SULF1: variants seen among roughly 807,000 people sequenced by gnomAD.
The protein encoded by SULF1 is sulfatase 1.
SULF1 carries 46 observed loss-of-function variants against 110.5 expected under a neutral mutation model. The observed-to-expected ratio is 0.42, with a 90% CI of 0.33 to 0.53. SULF1 has a LOEUF of 0.53. SULF1 is among the 20% of genes least tolerant of loss of function. The probability of loss-of-function intolerance (pLI) is 0.12; values close to 1 mark genes in which losing one functional copy is unlikely to be tolerated. For synonymous variants in SULF1, 371 were observed against 387.1 expected, an observed-to-expected ratio of 0.96 and a Z score of 0.49; for missense variants, 941 against 1,094.2, an observed-to-expected ratio of 0.86 and a Z score of 1.98.
At chr8:69,472,323 T>A (rs572216797) in intron 1 of SULF1, among the ~76,000 whole-genome samples, 1 of 152,144 alleles carries the variant, frequency 6.6e-6, no homozygotes, top group East Asian at 1.9e-4. Context: ...TTGTAGAGAG[T>A]CAGATCGAGC....
At chr8:69,577,081 G>A (rs972065614) in intron 6 of SULF1, among the ~76,000 whole-genome samples, 4 of 152,192 alleles carry the variant, frequency 2.6e-5, no homozygotes, top group Admixed American at 1.3e-4. Flanking sequence ...TGTTATTTAT[G>A]GATGAAAATA....
intron 14 of SULF1, among the ~76,000 whole-genome samples, chr8:69,622,248 C>G (rs546478541): frequency 2.6e-5 from 4 of 152,058 alleles, no homozygotes; most frequent in Admixed American, 6.6e-5. Flanking sequence ...CAGAAAAATT[C>G]CAGGTCTAAT....
intron 3 of SULF1, among the ~76,000 whole-genome samples, chr8:69,506,473 G>C (rs1811205576): frequency 6.6e-6 from 1 of 152,142 alleles, no homozygotes; most frequent in South Asian, 2.1e-4. Flanking sequence ...GATCTGCTTA[G>C]ACCACAGTCC....
chr8:69,489,557 TTTTC>T (rs1176179460), upstream of SULF1, among the ~76,000 whole-genome samples: 1 of 151,004 alleles, frequency 6.6e-6, no homozygotes, highest in African/African-American at 2.4e-5. Context: ...TGCCCTCCAT[TTTTC>T]TTTCTTTCTC....
chr8:69,657,490 C>A (rs1217817457), intron 22 of SULF1, among the ~76,000 whole-genome samples: 2 of 152,218 alleles, frequency 1.3e-5, no homozygotes, highest in African/African-American at 2.4e-5. Context: ...GACGTTCTTT[C>A]CACCAACAGC....
At chr8:69,604,723 A>G (rs1586528756) in intron 12 of SULF1, 80 bp from the exon 13 acceptor site, 3 of 865,760 alleles carry the variant, frequency 3.5e-6, no homozygotes, top group Non-Finnish European at 3.2e-6. Flanking sequence ...GTGACAGGGT[A>G]AAAAAAAAAA....
intron 3 of SULF1, among the ~76,000 whole-genome samples, chr8:69,553,076 G>A (rs553707053): frequency 2.6e-5 from 4 of 152,250 alleles, no homozygotes; most frequent in Admixed American, 2.6e-4. Flanking sequence ...GATTCCACAA[G>A]GTGTTTTCCA....
rs949679320 is a variant in SULF1 at position 69,592,860 on chromosome 8, C to T, written c.734+3719C>T. ...TGCTTGTCCATTGTGACATGACAGACCTCTTGACAAGCTAAGACTCCCATT... is the reference window on the plus strand; with the variant it reads ...TGCTTGTCCATTGTGACATGACAGATCTCTTGACAAGCTAAGACTCCCATT... On this transcript the variant is annotated intron_variant, in intron 8 of 22. Coordinates refer to ENST00000402687, the MANE Select transcript of SULF1 (RefSeq NM_001128205.2). 3.3e-6 allele frequency: 3 copies of T among 921,664 alleles called. 1 individual carries two copies. In the South Asian group the frequency reaches 1.5e-4, roughly 46 times the overall value. The allele number at this position is 921,664 out of a possible 1,614,324, so 57.1% of individuals were successfully genotyped here.
At position 69,555,455 on chromosome 8, in the gene SULF1, C is replaced by T. The variant is rs1022518463; in HGVS notation, c.-133-8084C>T. Among the ~76,000 whole-genome samples the T allele has an allele frequency of 1.2e-4, 18 of 152,238 alleles. No homozygotes were observed. In the East Asian group the frequency reaches 3.3e-3, roughly 28 times the overall value. On this transcript the variant is annotated intron_variant, in intron 3 of 22. Coordinates refer to ENST00000402687, the MANE Select transcript of SULF1 (RefSeq NM_001128205.2). ...GGCAGATCACTTGAGGTCAGGAGTT[C>T]GAGACCAGCCTGCCAATATGGTGAA...
Position 69,586,467 on chromosome 8 carries a change from C to T in SULF1, c.523C>T (p.Arg175Cys), listed in dbSNP as rs200127043. The T allele has an allele frequency of 2.2e-4, 351 of 1,611,446 alleles. 1 individual carries two copies. The highest frequency in any genetic ancestry group is 3.3e-4 in the Middle Eastern group (2 of 6,080). Reference sequence around the variant, plus strand: ...TCGCTTCTATAATTACACTGTTTGTCGCAATGGCATCAAAGAAAAGCATGG... The same window carrying T: ...TCGCTTCTATAATTACACTGTTTGTTGCAATGGCATCAAAGAAAAGCATGG... ...NSRFYNYTVC[R>C]NGIKEKHGFD... Residue 175 changes from arginine to cysteine, a missense_variant, in exon 7 of 23, where the codon CGC becomes TGC. By Grantham distance (180) the Arg-to-Cys change is radical. Transcript: ENST00000402687.
chr8:69,579,160 CAAA>C (rs1179542392), intron 6 of SULF1, among the ~76,000 whole-genome samples: 2 of 52,746 alleles, frequency 3.8e-5, no homozygotes, highest in Admixed American at 2.0e-4. Context: ...GACTCTGTCT[CAAA>C]AAAAAAAAAA....
chr8:69,472,409 C>A (rs902182337), intron 1 of SULF1, among the ~76,000 whole-genome samples: 2 of 152,216 alleles, frequency 1.3e-5, no homozygotes, highest in Admixed American at 1.3e-4. Flanking sequence ...AAGCTGAAAG[C>A]AATCAGCTTG....
At chr8:69,510,618 TTG>T (rs1474587464) in intron 3 of SULF1, among the ~76,000 whole-genome samples, 15 of 85,710 alleles carry the variant, frequency 1.8e-4, no homozygotes, top group African/African-American at 6.0e-4. Context: ...GGGTTTTTTT[TTG>T]TTTTTTTTTT....
At chr8:69,514,536 C>A (rs906753916) in intron 3 of SULF1, among the ~76,000 whole-genome samples, 1 of 152,168 alleles carries the variant, frequency 6.6e-6, no homozygotes, top group South Asian at 2.1e-4. Flanking sequence ...TTCCTCTGGC[C>A]ACTCTCAAAT....
At chr8:69,542,980 A>AC (rs1813963687) in intron 3 of SULF1, among the ~76,000 whole-genome samples, 1 of 152,194 alleles carries the variant, frequency 6.6e-6, no homozygotes, top group African/African-American at 2.4e-5. Context: ...ACCAGAGGAC[A>AC]CCCCAACTAG....
Position 69,638,827 on chromosome 8 carries a change from G to T in SULF1, c.2520G>T (p.Gln840His). The T allele has an allele frequency of 6.2e-7, 1 of 1,613,610 alleles. No homozygotes were observed. Among genetic ancestry groups the T allele is most frequent in the Non-Finnish European group, 8.5e-7 (1 of 1,179,896 alleles). Residue 840 changes from glutamine to histidine, a missense_variant, in exon 21 of 23, where the codon CAG becomes CAT. By Grantham distance (24) the Gln-to-His change is conservative. Coordinates refer to ENST00000402687, the MANE Select transcript of SULF1 (RefSeq NM_001128205.2). ...TCAGAAGCTGTCAAGGATATAAGCA[G>T]TGCAACCCAAGACCTAAGAATCTTG... ...MELRSCQGYKQCNPRPKNLDV... is the reference protein window; with the variant it reads ...MELRSCQGYKHCNPRPKNLDV...
chr8:69,475,134 G>A (rs374164807), intron 1 of SULF1, among the ~76,000 whole-genome samples: 1 of 151,908 alleles, frequency 6.6e-6, no homozygotes. Context: ...AATGGAAGAG[G>A]AGGGGAAACA....
chr8:69,499,497 A>G (rs1241472002), intron 2 of SULF1, among the ~76,000 whole-genome samples: 2 of 152,236 alleles, frequency 1.3e-5, no homozygotes, highest in African/African-American at 2.4e-5. Flanking sequence ...GAACTGTTAC[A>G]AGATGGCACC....
chr8:69,507,429 G>A (rs1358952488), intron 3 of SULF1, among the ~76,000 whole-genome samples: 2 of 152,094 alleles, frequency 1.3e-5, no homozygotes, highest in Non-Finnish European at 2.9e-5. Flanking sequence ...TTCAATTTTA[G>A]GTTCCTTTTC....
Sources: allele counts gnomAD v4.1 joint callset (sites outside exome capture counted in the v4.1 genomes callset), GRCh38; gene constraint gnomAD v4.1.1; transcripts MANE v1.5; gene names NCBI Gene and HGNC (gene_info 2026-07-23, HGNC 2026-07-21).